The following PPP1R9B variants were observed in gnomAD, a reference collection of about 807,000 sequenced individuals.
PPP1R9B encodes the protein neurabin-2.
Under a neutral mutation model 75.8 loss-of-function variants are expected in PPP1R9B, and 17 were observed. The ratio of observed to expected loss-of-function variants is 0.22; its 90% CI spans 0.15 to 0.34. The LOEUF (loss-of-function observed/expected upper bound fraction) is 0.34. PPP1R9B is among the 10% of genes least tolerant of loss of function. PPP1R9B has a pLI of 1.00. For missense variants in PPP1R9B, 875 were observed against 1,196.0 expected (o/e 0.73, Z 3.96); for synonymous variants, 509 against 535.4 (o/e 0.95, Z 0.68).
chr17:50,147,774 T>A (rs1302159161), intron 1 of PPP1R9B, among the ~76,000 whole-genome samples: 1 of 151,848 alleles, frequency 6.6e-6, no homozygotes, highest in East Asian at 1.9e-4. Flanking sequence ...ACCCCGCAGG[T>A]CCCAGCCCAG....
chr17:50,142,931 AC>A lies in PPP1R9B; in HGVS notation c.1625+666del, dbSNP rs1912422871. ...CCCCTGCTCTCTATGCCCCAGCCAC[AC>A]CTGCCTGCTCATGGCGCCACTGCCT... On this transcript the variant is annotated intron_variant, in intron 3 of 9. Coordinates refer to ENST00000612501, the MANE Select transcript of PPP1R9B (RefSeq NM_032595.5). The surrounding 1 kb of genome is among the most constrained non-coding windows in gnomAD (Gnocchi z 4.1). Among the ~76,000 whole-genome samples the A allele has an allele frequency of 6.6e-6, 1 of 152,010 alleles. No homozygotes were observed. Among genetic ancestry groups the A allele is most frequent in the African/African-American group, 2.4e-5 (1 of 41,354 alleles).
Position 50,149,428 on chromosome 17 carries a change from T to G in PPP1R9B, c.1086A>C (p.Pro362=). ...CCCGGCCATTGCCCACCCCCCTCTC[T>G]GGCGGCGCTACCGCCGCCGCCTCCT... The part of the protein sequence containing the change: ...PEKEAAAVAP[P]ERGVGNGRAP... The change falls in exon 1 of 10, where the codon CCA becomes CCC. Residue 362 remains proline (P), a synonymous_variant. Transcript: ENST00000612501. The surrounding 1 kb of genome is among the most constrained non-coding windows in gnomAD (Gnocchi z 7.2). 5 of 1,608,668 alleles carry G rather than the reference T, an allele frequency of 3.1e-6. No individual in the cohort carries two copies. Among genetic ancestry groups the G allele is most frequent in the Non-Finnish European group, 4.2e-6 (5 of 1,178,136 alleles).
chr17:50,143,973 G>T (rs975176148), intron 2 of PPP1R9B, among the ~76,000 whole-genome samples: 1 of 152,212 alleles, frequency 6.6e-6, no homozygotes, highest in African/African-American at 2.4e-5. Context: ...GCACAGGCAG[G>T]TAAGACTGTT....
chr17:50,139,989 G>C lies in PPP1R9B; in HGVS notation c.1866+104C>G, dbSNP rs1011898890. 1.2e-5 allele frequency: 16 copies of C among 1,289,816 alleles called. No individual in the cohort carries two copies. The African/African-American group carries it at 2.3e-4, about 19-fold the overall frequency. The allele number at this position is 1,289,816 out of a possible 1,614,324, so 79.9% of individuals were successfully genotyped here. ...ACTGGAGGACAGGGAATGGCACTGT[G>C]GGCTTTTTACTAGGGCAGGGGAAGC... On this transcript the variant is annotated intron_variant, in intron 5 of 9. Coordinates refer to ENST00000612501, the MANE Select transcript of PPP1R9B (RefSeq NM_032595.5). This position sits in a 1 kb window ranked among gnomAD's most constrained non-coding sequence, Gnocchi z 5.0.
intron 3 of PPP1R9B, among the ~76,000 whole-genome samples, chr17:50,143,250 C>G (rs1030235583): frequency 6.6e-6 from 1 of 151,878 alleles, no homozygotes; most frequent in Non-Finnish European, 1.5e-5. Flanking sequence ...CAATGTCCAG[C>G]GAAAAAAAAG....
At chr17:50,143,224 A>G (rs1912431192) in intron 3 of PPP1R9B, among the ~76,000 whole-genome samples, 1 of 152,112 alleles carries the variant, frequency 6.6e-6, no homozygotes, top group South Asian at 2.1e-4. Flanking sequence ...GCACCGGCCC[A>G]ACACTGTCAG....
intron 1 of PPP1R9B, among the ~76,000 whole-genome samples, chr17:50,148,095 A>G (rs1912563015): frequency 6.6e-6 from 1 of 152,046 alleles, no homozygotes; most frequent in Non-Finnish European, 1.5e-5. Context: ...TGTGCTAGCC[A>G]AGAGTGGAGG....
chr17:50,146,778 G>A (rs138322798), intron 1 of PPP1R9B, among the ~76,000 whole-genome samples: 34 of 152,338 alleles, frequency 2.2e-4, no homozygotes, highest in African/African-American at 8.2e-4. Flanking sequence ...ACTGCCCAAG[G>A]TCACATGGGT....
intron 5 of PPP1R9B, 39 bp downstream of exon 5, chr17:50,140,054 G>C (rs752531757): frequency 6.2e-7 from 1 of 1,605,802 alleles, no homozygotes; most frequent in Non-Finnish European, 8.5e-7. Context: ...CTAGCCACCA[G>C]GGGGCGACCA....
intron 1 of PPP1R9B, among the ~76,000 whole-genome samples, chr17:50,146,739 C>G (rs1912526796): frequency 6.6e-6 from 1 of 152,234 alleles, no homozygotes; most frequent in South Asian, 2.1e-4. Context: ...AGGCTGCCTA[C>G]CTTGCACATA....
intron 8 of PPP1R9B, 54 bp downstream of exon 8, chr17:50,135,914 C>T (rs2144438893): frequency 7.2e-7 from 1 of 1,379,974 alleles, no homozygotes; most frequent in East Asian, 2.5e-5. Context: ...GGACTGTCCC[C>T]AAAAGCCTCT....
In PPP1R9B at chr17:50,145,122, G is replaced by C; in HGVS notation, c.1495C>G (p.Leu499Val). Residue 499 changes from leucine to valine, a missense_variant, in exon 2 of 10, where the codon CTG (leucine) becomes GTG (valine). Transcript: ENST00000612501. ...CCTCCTGGCCTCTCACCCTTCTCCA[G>C]CTCCACAGGGAACAGCTCCAACCTC... is the stretch of plus-strand genomic sequence containing the variant. Reference protein sequence around the residue: ...VERLELFPVELEKDSEGLGIS... With the variant: ...VERLELFPVEVEKDSEGLGIS... 1 of 1,613,886 alleles carries C rather than the reference G, an allele frequency of 6.2e-7. No homozygotes were observed. Among genetic ancestry groups the C allele is most frequent in the Middle Eastern group, 1.7e-4 (1 of 6,056 alleles).
chr17:50,143,318 C>T (rs867755286), intron 3 of PPP1R9B, among the ~76,000 whole-genome samples: 18 of 152,184 alleles, frequency 1.2e-4, no homozygotes, highest in African/African-American at 3.4e-4. Context: ...TACTCCAGAC[C>T]GGGATGCACA....
rs1476141742 is a variant in PPP1R9B at position 50,150,489 on chromosome 17, G to T, written c.25C>A (p.Pro9Thr). 33 of 1,360,612 alleles carry T rather than the reference G, an allele frequency of 2.4e-5. No individual in the cohort carries two copies. The highest frequency in any genetic ancestry group is 2.7e-5 in the Non-Finnish European group (28 of 1,052,838). 84.3% of individuals were successfully genotyped at this position (1,360,612 alleles called of 1,614,324 possible). A position where few individuals can be genotyped will look rare whatever the true frequency, so the allele number is the denominator to read the frequency against. ...GAGGCGCTCCGGAGGGGACCCCCGG[G>T]CCCCCGTGGCTCCGTCTTCATCATG... MMKTEPRG[P>T]GGPLRSASPH... The change falls in exon 1 of 10, where the codon CCC becomes ACC. Residue 9 changes from proline to threonine, a missense_variant. By Grantham distance (38) the Pro-to-Thr change is conservative. Around this residue, in one of 4 missense-constraint regions of PPP1R9B, gnomAD observed 145 missense variants for 226.1 expected, o/e 0.64. Transcript: ENST00000612501. This position sits in a 1 kb window ranked among gnomAD's most constrained non-coding sequence, Gnocchi z 8.7.
chr17:50,149,136 CACTT>C lies in PPP1R9B; in HGVS notation c.1371+3_1371+6del. The C allele has an allele frequency of 1.4e-6, 2 of 1,443,826 alleles. No individual in the cohort carries two copies. The highest frequency in any genetic ancestry group is 1.8e-6 in the Non-Finnish European group (2 of 1,094,886). 89.4% of individuals were successfully genotyped at this position (1,443,826 alleles called of 1,614,324 possible). ...GGCGCGGGGGCAGGGCGGGGGGGCTCACTTACTTGGATGGGCGCCGTGCTGAAAT... is the reference window on the plus strand; with the variant it reads ...GGCGCGGGGGCAGGGCGGGGGGGCTCACTTGGATGGGCGCCGTGCTGAAAT... On this transcript the variant is annotated splice_donor_5th_base_variant and intron_variant, in intron 1 of 9. Coordinates refer to ENST00000612501, the MANE Select transcript of PPP1R9B (RefSeq NM_032595.5). The surrounding 1 kb of genome is among the most constrained non-coding windows in gnomAD (Gnocchi z 7.2).
In PPP1R9B at chr17:50,149,724, C is replaced by A. The variant is rs1306695512; in HGVS notation, c.790G>T (p.Asp264Tyr). The A allele has an allele frequency of 5.0e-6, 7 of 1,409,100 alleles. No individual in the cohort carries two copies. Among genetic ancestry groups the A allele is most frequent in the African/African-American group, 1.5e-5 (1 of 65,878 alleles). 87.3% of individuals were successfully genotyped at this position (1,409,100 alleles called of 1,614,324 possible). Residue 264 changes from aspartate to tyrosine, a missense_variant, in exon 1 of 10, where the codon GAT becomes TAT. Around this residue, in one of 4 missense-constraint regions of PPP1R9B, gnomAD observed 449 missense variants for 475.0 expected, o/e 0.95. Coordinates refer to ENST00000612501, the MANE Select transcript of PPP1R9B (RefSeq NM_032595.5). This position sits in a 1 kb window ranked among gnomAD's most constrained non-coding sequence, Gnocchi z 7.2. ...PPPPPPAPSG[D>Y]APAEKERCPA... The stretch of plus-strand genomic sequence containing the variant: ...CATCGCTCTTTCTCGGCCGGGGCAT[C>A]CCCCGACGGGGCGGGCGGCGGCGGC...
rs1912419549 is a variant in PPP1R9B at position 50,142,836 on chromosome 17, C to T, written c.1625+762G>A. ...CACAGATGCTCAATACAGGCACACA[C>T]ACTCACATGCGCAAAGACAGCCTGT... On this transcript the variant is annotated intron_variant, in intron 3 of 9. Transcript: ENST00000612501. The surrounding 1 kb of genome is among the most constrained non-coding windows in gnomAD (Gnocchi z 4.1). Among the ~76,000 whole-genome samples, 1 of 152,192 alleles carries T rather than the reference C, an allele frequency of 6.6e-6. No homozygotes were observed. Among genetic ancestry groups the T allele is most frequent in the Non-Finnish European group, 1.5e-5 (1 of 68,032 alleles).
In PPP1R9B at chr17:50,141,420, G is replaced by A. The variant is rs1211822537; in HGVS notation, c.1626-47C>T. ...AGGGGTCACAGGGGAACCGAGGAGC[G>A]AGGGTAGAGGTAGCCTCCTCCCATC... is the stretch of plus-strand genomic sequence containing the variant. On this transcript the variant is annotated intron_variant, in intron 3 of 9. Coordinates refer to ENST00000612501, the MANE Select transcript of PPP1R9B (RefSeq NM_032595.5). The A allele has an allele frequency of 2.3e-6, 3 of 1,320,614 alleles. No individual in the cohort carries two copies. In the South Asian group the frequency reaches 3.9e-5, roughly 17 times the overall value. 81.8% of individuals were successfully genotyped at this position (1,320,614 alleles called of 1,614,324 possible). A position where few individuals can be genotyped will look rare whatever the true frequency, so the allele number is the denominator to read the frequency against.
At chr17:50,141,762 C>G (rs150121437) in intron 3 of PPP1R9B, among the ~76,000 whole-genome samples, 1 of 152,094 alleles carries the variant, frequency 6.6e-6, no homozygotes, top group Non-Finnish European at 1.5e-5. Context: ...TGTCTACCTG[C>G]GTAACATTCA....
Sources: gnomAD v4.1 joint callset for allele counts (sites outside exome capture counted in the v4.1 genomes callset) on GRCh38, gnomAD v4.1.1 for gene constraint, gnomAD v4.1.1 regional missense constraint, Gnocchi (gnomAD v3.1) non-coding constraint, MANE v1.5 for transcripts, NCBI Gene and HGNC (gene_info 2026-07-23, HGNC 2026-07-21) for gene names.